SNTG2: variants seen among roughly 807,000 people sequenced by gnomAD.
SNTG2 encodes the protein gamma-2-syntrophin.
In SNTG2, 74 loss-of-function variants were observed where a neutral mutation model predicts 70.9. The observed-to-expected ratio is 1.04, with a 90% confidence interval of 0.86 to 1.27. The LOEUF (loss-of-function observed/expected upper bound fraction) is 1.27. Among genes scored for constraint, SNTG2 ranks in the 50% most tolerant of loss-of-function variants. The pLI is 0.00. For synonymous variants in SNTG2, 278 were observed against 273.8 expected (o/e 1.02, Z -0.15); for missense variants, 717 against 690.7 (o/e 1.04, Z -0.43).
chr2:1,219,617 G>A (rs1228269050), intron 9 of SNTG2, among the ~76,000 whole-genome samples: 3 of 151,752 alleles, frequency 2.0e-5, no homozygotes, highest in Admixed American at 6.6e-5. Flanking sequence ...CTTGTTTTAG[G>A]CAGGCCTCAA....
intron 7 of SNTG2, among the ~76,000 whole-genome samples, chr2:1,171,706 C>T (rs548013901): frequency 1.3e-5 from 2 of 152,122 alleles, no homozygotes; most frequent in Non-Finnish European, 1.5e-5. Context: ...TCTTATTTCC[C>T]CCAGAGTTCT....
chr2:1,183,940 T>C (rs1186099885), intron 8 of SNTG2, among the ~76,000 whole-genome samples: 1 of 152,242 alleles, frequency 6.6e-6, no homozygotes, highest in African/African-American at 2.4e-5. Flanking sequence ...TTAGAATATC[T>C]GTTAGGAAGG....
chr2:1,093,354 A>G (rs1293197928), intron 2 of SNTG2, among the ~76,000 whole-genome samples: 1 of 152,190 alleles, frequency 6.6e-6, no homozygotes, highest in Non-Finnish European at 1.5e-5. Context: ...CTTAAATTAA[A>G]GTGATCAGCT....
At chr2:1,007,475 A>C (rs1558307073) in intron 1 of SNTG2, among the ~76,000 whole-genome samples, 1 of 152,204 alleles carries the variant, frequency 6.6e-6, no homozygotes, top group African/African-American at 2.4e-5. Context: ...CAGTTTCCAC[A>C]GTAAAAATGG....
intron 14 of SNTG2, among the ~76,000 whole-genome samples, chr2:1,305,806 G>A (rs1680644749): frequency 6.6e-6 from 1 of 152,168 alleles, no homozygotes; most frequent in African/African-American, 2.4e-5. Flanking sequence ...TGGAGATTAT[G>A]CAAATGCGTT....
chr2:1,313,149 G>A (rs536889276), intron 15 of SNTG2, among the ~76,000 whole-genome samples: 40 of 152,176 alleles, frequency 2.6e-4, no homozygotes, highest in Non-Finnish European at 4.4e-4. Context: ...TAATCAGAAT[G>A]TGTTCCAAAG....
chr2:1,196,555 G>C (rs1051652730), intron 8 of SNTG2, among the ~76,000 whole-genome samples: 1 of 152,076 alleles, frequency 6.6e-6, no homozygotes, highest in East Asian at 1.9e-4. Context: ...ACCCAAAAAG[G>C]TCTTCTTCAT....
intron 8 of SNTG2, among the ~76,000 whole-genome samples, chr2:1,208,820 A>G (rs1673841523): frequency 6.6e-6 from 1 of 152,124 alleles, no homozygotes; most frequent in African/African-American, 2.4e-5. Flanking sequence ...TGCTGTGTCT[A>G]CAACTTTCCC....
chr2:1,228,453 T>C (rs997972923), intron 9 of SNTG2, among the ~76,000 whole-genome samples: 1 of 152,224 alleles, frequency 6.6e-6, no homozygotes, highest in African/African-American at 2.4e-5. Context: ...CCATGGTCCA[T>C]GCCTGCACAC....
chr2:1,323,278 T>C (rs562991304), intron 16 of SNTG2, among the ~76,000 whole-genome samples: 5 of 152,330 alleles, frequency 3.3e-5, no homozygotes, highest in East Asian at 1.9e-4. Flanking sequence ...GTGGCTTTTA[T>C]TGCAACAAGA....
chr2:1,177,934 C>A (rs539725138), intron 8 of SNTG2, among the ~76,000 whole-genome samples: 4 of 152,178 alleles, frequency 2.6e-5, no homozygotes, highest in African/African-American at 7.2e-5. Flanking sequence ...TTATATTAGC[C>A]AGACTACTGT....
chr2:1,245,067 A>T (rs1014401798), intron 11 of SNTG2, among the ~76,000 whole-genome samples: 1 of 146,274 alleles, frequency 6.8e-6, no homozygotes, highest in East Asian at 2.1e-4. Flanking sequence ...TGGGAATTGA[A>T]CAATGAGAAC....
At chr2:1,164,041 G>C (rs1003084993) in intron 6 of SNTG2, among the ~76,000 whole-genome samples, 1 of 152,202 alleles carries the variant, frequency 6.6e-6, no homozygotes, top group Non-Finnish European at 1.5e-5. Flanking sequence ...CATGGAAAGT[G>C]ACTGAAGAAA....
At chr2:1,269,504 G>C (rs934693379) in intron 14 of SNTG2, among the ~76,000 whole-genome samples, 1 of 152,040 alleles carries the variant, frequency 6.6e-6, no homozygotes, top group Non-Finnish European at 1.5e-5. Context: ...CTGGGCCACA[G>C]AGTGAGACCC....
chr2:1,224,096 C>T (rs1000186615), intron 9 of SNTG2, among the ~76,000 whole-genome samples: 10 of 152,170 alleles, frequency 6.6e-5, no homozygotes, highest in Non-Finnish European at 1.3e-4. Context: ...GGTCTCCCTG[C>T]GGCCTCTTCT....
chr2:1,155,866 G>C (rs995904141), intron 6 of SNTG2, among the ~76,000 whole-genome samples: 2 of 152,124 alleles, frequency 1.3e-5, no homozygotes, highest in African/African-American at 4.8e-5. Flanking sequence ...GTGTGTAGGG[G>C]TGATGGCCAC....
chr2:1,355,742 A>AT (rs971831443), intron 16 of SNTG2, among the ~76,000 whole-genome samples: 1 of 151,900 alleles, frequency 6.6e-6, no homozygotes, highest in Admixed American at 6.6e-5. Context: ...TTGTCTTTTA[A>AT]TTTTTTTGAG....
intron 9 of SNTG2, among the ~76,000 whole-genome samples, chr2:1,212,313 C>G (rs548700283): frequency 6.6e-6 from 1 of 152,314 alleles, no homozygotes; most frequent in Non-Finnish European, 1.5e-5. Flanking sequence ...AGGTGTCTCG[C>G]TCACCTTCTG....
chr2:1,319,996 A>G (rs1447627104), intron 16 of SNTG2, among the ~76,000 whole-genome samples: 2 of 152,338 alleles, frequency 1.3e-5, no homozygotes, highest in Non-Finnish European at 1.5e-5. Flanking sequence ...CAATACATCA[A>G]TTAACCAGGA....
Sources: gnomAD v4.1 joint callset for allele counts (sites outside exome capture counted in the v4.1 genomes callset) on GRCh38, gnomAD v4.1.1 for gene constraint, MANE v1.5 for transcripts, NCBI Gene and HGNC (gene_info 2026-07-23, HGNC 2026-07-21) for gene names.